PRLR: variants seen among roughly 807,000 people sequenced by gnomAD.
PRLR encodes prolactin receptor, also known as hPRL receptor.
Under a neutral mutation model 40.2 loss-of-function variants are expected in PRLR, and 13 were observed. The ratio of observed to expected loss-of-function variants is 0.32; its 90% CI spans 0.21 to 0.51. The LOEUF (loss-of-function observed/expected upper bound fraction) is 0.51, where lower values mean the gene tolerates loss of function less well. PRLR is among the 20% of genes least tolerant of loss of function. The pLI is 0.97. For synonymous variants in PRLR, 269 were observed against 278.7 expected, an observed-to-expected ratio of 0.97 and a Z score of 0.35; for missense variants, 656 against 747.3, an observed-to-expected ratio of 0.88 and a Z score of 1.42.
intron 8 of PRLR, among the ~76,000 whole-genome samples, chr5:35,050,076 ATT>A (rs1472967313): frequency 2.0e-5 from 3 of 151,892 alleles, no homozygotes; most frequent in African/African-American, 7.3e-5. Context: ...CTAATTTTGT[ATT>A]TTTAATAGAG....
chr5:35,218,486 CT>C (rs1776339904), intron 1 of PRLR, among the ~76,000 whole-genome samples: 1 of 152,174 alleles, frequency 6.6e-6, no homozygotes, highest in African/African-American at 2.4e-5. Context: ...AGTTCACTTA[CT>C]TAAGTTAAAA....
At chr5:35,181,315 AG>A (rs112215732) in intron 1 of PRLR, among the ~76,000 whole-genome samples, 20,252 of 152,206 alleles carry the variant, frequency 0.13, 1,551 homozygotes, top group African/African-American at 0.21. Context: ...ATTAGAGTTT[AG>A]CTCTTAGTCT....
At chr5:35,203,297 C>T (rs1333481110) in intron 1 of PRLR, among the ~76,000 whole-genome samples, 2 of 152,168 alleles carry the variant, frequency 1.3e-5, no homozygotes, top group African/African-American at 4.8e-5. Context: ...TATGGCTAAA[C>T]TCCTTTAGGT....
chr5:35,188,127 G>A (rs556108169), intron 1 of PRLR, among the ~76,000 whole-genome samples: 78 of 152,228 alleles, frequency 5.1e-4, no homozygotes, highest in African/African-American at 1.8e-3. Context: ...ACCCAGCTCC[G>A]TCAGGAACTT....
At chr5:35,088,631 C>T (rs989140532) in intron 3 of PRLR, among the ~76,000 whole-genome samples, 1 of 152,118 alleles carries the variant, frequency 6.6e-6, no homozygotes, top group Non-Finnish European at 1.5e-5. Flanking sequence ...CAAATGTTTC[C>T]TTCATCTGCA....
intron 1 of PRLR, among the ~76,000 whole-genome samples, chr5:35,215,565 A>G (rs1190128208): frequency 6.6e-6 from 1 of 152,166 alleles, no homozygotes; most frequent in Non-Finnish European, 1.5e-5. Flanking sequence ...CAGATGAAAA[A>G]GTGAGACAGA....
At chr5:35,159,458 C>T (rs1774610750) in intron 1 of PRLR, among the ~76,000 whole-genome samples, 1 of 152,050 alleles carries the variant, frequency 6.6e-6, no homozygotes, top group African/African-American at 2.4e-5. Context: ...TAGAGTGTCA[C>T]CAGAGAGCCC....
intron 1 of PRLR, among the ~76,000 whole-genome samples, chr5:35,175,343 C>T (rs1775116882): frequency 6.6e-6 from 1 of 152,226 alleles, no homozygotes; most frequent in Admixed American, 6.5e-5. Flanking sequence ...ACACAACTTG[C>T]TCCTCCTTGT....
Position 35,065,734 on chromosome 5 carries a change from A to G in PRLR, c.1224T>C (p.Ala408=), listed in dbSNP as rs1384492903. The stretch of plus-strand genomic sequence containing the variant: ...GCCATGTTGAACATTTGGATCCACC[A>G]GCATGAAAATAGGGGATTTTGCCTT... ...SMEGKIPYFH[A]GGSKCSTWPL... Residue 408 remains alanine (A), a synonymous_variant, in exon 10 of 10, where the codon GCT becomes GCC. Transcript: ENST00000618457. 2 of 1,614,176 alleles carry G rather than the reference A, an allele frequency of 1.2e-6. No homozygotes were observed. The highest frequency in any genetic ancestry group is 2.2e-5 in the South Asian group (2 of 91,088).
At chr5:35,156,547 C>A (rs1036627725) in intron 1 of PRLR, among the ~76,000 whole-genome samples, 6 of 152,196 alleles carry the variant, frequency 3.9e-5, no homozygotes, top group Non-Finnish European at 8.8e-5. Context: ...TCACCTCCTA[C>A]CAACACTTTC....
In PRLR at chr5:35,114,478, G is replaced by T. The variant is rs191507836; in HGVS notation, c.-44+3583C>A. Reference sequence around the variant, plus strand: ...GATAAATGCTCCACCATCATCAGTTGGGGTTACAATTGCTCCTTGGAACCC... The same window carrying T: ...GATAAATGCTCCACCATCATCAGTTTGGGTTACAATTGCTCCTTGGAACCC... On this transcript the variant is annotated intron_variant, in intron 2 of 9. Transcript: ENST00000618457. 2.4e-4 allele frequency among the ~76,000 whole-genome samples: 36 copies of T among 152,288 alleles called. 2 individuals are homozygous for T. In the East Asian group the frequency reaches 6.6e-3, roughly 28 times the overall value.
chr5:35,220,341 CT>C (rs1345422309), intron 1 of PRLR, among the ~76,000 whole-genome samples: 1 of 152,090 alleles, frequency 6.6e-6, no homozygotes, highest in East Asian at 1.9e-4. Context: ...CTTTTCCAGT[CT>C]TAGGACTTTT....
intron 1 of PRLR, among the ~76,000 whole-genome samples, chr5:35,198,500 A>C (rs192458393): frequency 2.0e-5 from 3 of 152,304 alleles, no homozygotes. Context: ...TGGCATTTCC[A>C]GTATCTTCTC....
intron 1 of PRLR, among the ~76,000 whole-genome samples, chr5:35,138,923 A>G (rs927021309): frequency 1.3e-5 from 2 of 152,232 alleles, no homozygotes; most frequent in African/African-American, 4.8e-5. Flanking sequence ...CAAAGATAAT[A>G]AAATGTATTT....
At chr5:35,089,153 A>G (rs1771050679) in intron 3 of PRLR, among the ~76,000 whole-genome samples, 1 of 152,168 alleles carries the variant, frequency 6.6e-6, no homozygotes, top group Non-Finnish European at 1.5e-5. Flanking sequence ...TTTTTTAAAG[A>G]GTTTTCATAT....
chr5:35,188,690 C>A (rs1775514101), intron 1 of PRLR, among the ~76,000 whole-genome samples: 1 of 152,076 alleles, frequency 6.6e-6, no homozygotes, highest in South Asian at 2.1e-4. Flanking sequence ...CCCTGACCAA[C>A]CAAAAAAGAT....
chr5:35,072,758 G>A lies in PRLR; in HGVS notation c.374-14C>T, dbSNP rs202111594. On this transcript the variant is annotated splice_polypyrimidine_tract_variant and intron_variant, in intron 5 of 9. Transcript: ENST00000618457. ...GGTCTGGCTGAACTGCAGAAATACA[G>A]CAAATGCCAGTAGCACTCATTGCTT... 1.9e-6 allele frequency: 3 copies of A among 1,612,926 alleles called. No homozygotes were observed. Among genetic ancestry groups the A allele is most frequent in the South Asian group, 2.2e-5 (2 of 90,846 alleles).
Position 35,056,814 on chromosome 5 carries a change from GT to G in PRLR, c.*8274del, listed in dbSNP as rs933091263. 4 of 152,190 alleles carry G rather than the reference GT, an allele frequency of 2.6e-5. No individual in the cohort carries two copies. The highest frequency in any genetic ancestry group is 5.9e-5 in the Non-Finnish European group (4 of 67,996). The allele number at this position is 152,190 out of a possible 1,614,324, so 9.4% of individuals were successfully genotyped here. A position where few individuals can be genotyped will look rare whatever the true frequency, so the allele number is the denominator to read the frequency against. On this transcript the variant is annotated 3_prime_UTR_variant, in exon 10 of 10. Coordinates refer to ENST00000618457, the MANE Select transcript of PRLR (RefSeq NM_000949.7). ...CCAGCGTTTCTGTGACTGAAGCCAA[GT>G]TTTTTAGAGCATGATACTCAAGTAA... is the stretch of plus-strand genomic sequence containing the variant.
chr5:35,120,559 G>A (rs1773254327), intron 1 of PRLR, among the ~76,000 whole-genome samples: 1 of 152,112 alleles, frequency 6.6e-6, no homozygotes. Context: ...ATTATGGGGT[G>A]GGGAGACATA....
Sources: gnomAD v4.1 joint callset for allele counts (sites outside exome capture counted in the v4.1 genomes callset) on GRCh38, gnomAD v4.1.1 for gene constraint, MANE v1.5 for transcripts, NCBI Gene and HGNC (gene_info 2026-07-23, HGNC 2026-07-21) for gene names.